Variants in SDK1 observed in about 807,000 individuals in gnomAD.
SDK1 encodes sidekick cell adhesion molecule 1, also known as protein sidekick-1.
SDK1 carries 157 observed loss-of-function variants against 245.5 expected under a neutral mutation model. That is an observed-to-expected ratio of 0.64 (90% confidence interval 0.56 to 0.73). The LOEUF (loss-of-function observed/expected upper bound fraction) is 0.73, where lower values mean the gene tolerates loss of function less well. Among genes scored for constraint, SDK1 ranks in the 30% least tolerant of loss-of-function variants. The pLI is 0.00. For missense variants in SDK1, 3,583 were observed against 3,002.3 expected, an observed-to-expected ratio of 1.19 and a Z score of -4.52; for synonymous variants, 1,647 against 1,278.5, an observed-to-expected ratio of 1.29 and a Z score of -6.15.
rs575061736 is a variant in SDK1, at chr7:3,393,065, G to T, written c.298+91181G>T. Among the ~76,000 whole-genome samples, 12 of 141,860 alleles carry T rather than the reference G, an allele frequency of 8.5e-5. No homozygotes were observed. In the South Asian group the frequency reaches 2.5e-3, roughly 30 times the overall value. The allele number at this position is 141,860 out of a possible 152,430, so 93.1% of individuals were successfully genotyped here. On this transcript the variant is annotated intron_variant, in intron 1 of 44. Coordinates refer to ENST00000404826, the MANE Select transcript of SDK1 (RefSeq NM_152744.4). Reference sequence around the variant, plus strand: ...AGCTCACTGCAATCTCCGCCTCCTAGGTTCAAGCGATTGTCCTGTCTCAGT... The same window carrying T: ...AGCTCACTGCAATCTCCGCCTCCTATGTTCAAGCGATTGTCCTGTCTCAGT...
At chr7:3,775,512 C>G (rs1780526757) in intron 4 of SDK1, among the ~76,000 whole-genome samples, 1 of 151,654 alleles carries the variant, frequency 6.6e-6, no homozygotes, top group Non-Finnish European at 1.5e-5. Flanking sequence ...ACTGGTCATT[C>G]ACACTGATGT....
intron 1 of SDK1, among the ~76,000 whole-genome samples, chr7:3,359,434 A>C (rs763525227): frequency 1.2e-4 from 19 of 152,230 alleles, no homozygotes; most frequent in Non-Finnish European, 2.6e-4. Context: ...ATCTTAGGGA[A>C]GGTGGCAAGT....
intron 4 of SDK1, among the ~76,000 whole-genome samples, chr7:3,686,174 C>G (rs1319962725): frequency 2.0e-5 from 3 of 152,164 alleles, no homozygotes; most frequent in Non-Finnish European, 4.4e-5. Context: ...CTCCTGGGTT[C>G]AAGTGATTCT....
At chr7:3,969,958 G>A (rs1353701198) in intron 11 of SDK1, among the ~76,000 whole-genome samples, 2 of 152,186 alleles carry the variant, frequency 1.3e-5, no homozygotes, top group African/African-American at 4.8e-5. Context: ...TATATTAGGA[G>A]TGAACTGAAA....
intron 1 of SDK1, among the ~76,000 whole-genome samples, chr7:3,303,328 G>T (rs1415812701): frequency 1.3e-5 from 2 of 152,078 alleles, no homozygotes; most frequent in African/African-American, 4.8e-5. Context: ...TGTTTATTAA[G>T]TTTTCTTTTT....
intron 22 of SDK1, among the ~76,000 whole-genome samples, chr7:4,083,948 G>A (rs73302788): frequency 0.064 from 9,787 of 151,974 alleles, 965 homozygotes; most frequent in African/African-American, 0.21. Flanking sequence ...GTGGCAGAGC[G>A]TAGCAGCCTG....
At chr7:4,202,139 C>T (rs1250559902) in intron 35 of SDK1, among the ~76,000 whole-genome samples, 1 of 152,204 alleles carries the variant, frequency 6.6e-6, no homozygotes, top group East Asian at 1.9e-4. Flanking sequence ...TGGGCCCCGA[C>T]CCTGTCCCCA....
chr7:4,265,243 G>T lies in SDK1; in HGVS notation c.6501G>T (p.Pro2167=). 6.2e-7 allele frequency: 1 copy of T among 1,606,300 alleles called. No homozygotes were observed. ...KRRAQGRAPA[P]HRYEAVAGSE... ...GGGCCCAGGGCCGCGCACCTGCGCCGCACAGGTACGAGGCGGTGGCGGGCT... is the reference window on the plus strand; with the variant it reads ...GGGCCCAGGGCCGCGCACCTGCGCCTCACAGGTACGAGGCGGTGGCGGGCT... The change falls in exon 45 of 45, where the codon CCG becomes CCT. Residue 2167 remains proline, a synonymous_variant. Coordinates refer to ENST00000404826, the MANE Select transcript of SDK1 (RefSeq NM_152744.4).
intron 35 of SDK1, among the ~76,000 whole-genome samples, chr7:4,198,603 G>C (rs984207308): frequency 2.0e-5 from 3 of 152,144 alleles, no homozygotes; most frequent in African/African-American, 7.2e-5. Context: ...ATAGAAGGTG[G>C]AGTTGAATAG....
chr7:3,741,146 G>A (rs1403147926), intron 4 of SDK1, among the ~76,000 whole-genome samples: 1 of 152,214 alleles, frequency 6.6e-6, no homozygotes, highest in African/African-American at 2.4e-5. Context: ...CCAAGTGGAT[G>A]TGCTGAGCAC....
At chr7:4,203,715 C>G (rs1349579013) in intron 35 of SDK1, among the ~76,000 whole-genome samples, 1 of 152,176 alleles carries the variant, frequency 6.6e-6, no homozygotes, top group Non-Finnish European at 1.5e-5. Context: ...GTCAGGTTCT[C>G]CTGTCAGGGT....
intron 5 of SDK1, among the ~76,000 whole-genome samples, chr7:3,880,059 C>T (rs1029005946): frequency 4.6e-5 from 7 of 152,070 alleles, no homozygotes; most frequent in East Asian, 1.9e-4. Flanking sequence ...AAAATAATGC[C>T]GCCTTAATCC....
At chr7:4,137,680 G>A (rs993806043) in intron 28 of SDK1, among the ~76,000 whole-genome samples, 6 of 152,172 alleles carry the variant, frequency 3.9e-5, no homozygotes, top group Admixed American at 3.3e-4. Flanking sequence ...CTTAAAAACA[G>A]GGCTCCTCGT....
intron 1 of SDK1, among the ~76,000 whole-genome samples, chr7:3,462,853 C>T (rs949260940): frequency 1.3e-5 from 2 of 152,178 alleles, no homozygotes; most frequent in Non-Finnish European, 2.9e-5. Flanking sequence ...GGACTCATGA[C>T]ATCGTGCTTT....
intron 1 of SDK1, among the ~76,000 whole-genome samples, chr7:3,449,931 C>T (rs1780460438): frequency 1.3e-5 from 2 of 152,088 alleles, no homozygotes; most frequent in African/African-American, 4.8e-5. Flanking sequence ...TCCAGGATGC[C>T]ATGAAAACGT....
intron 5 of SDK1, among the ~76,000 whole-genome samples, chr7:3,886,531 T>C (rs1781342994): frequency 6.6e-6 from 1 of 152,244 alleles, no homozygotes; most frequent in South Asian, 2.1e-4. Flanking sequence ...ATACAAATAT[T>C]TAACTTTCAG....
At chr7:4,163,489 G>A (rs1781300443) in intron 32 of SDK1, among the ~76,000 whole-genome samples, 1 of 152,164 alleles carries the variant, frequency 6.6e-6, no homozygotes, top group African/African-American at 2.4e-5. Flanking sequence ...GCGGGAAATG[G>A]AAGGGATGCT....
intron 4 of SDK1, among the ~76,000 whole-genome samples, chr7:3,647,919 T>G (rs1387667378): frequency 6.6e-6 from 1 of 152,126 alleles, no homozygotes. Context: ...ACGCTGTTGA[T>G]GAGGCAGAAA....
intron 14 of SDK1, among the ~76,000 whole-genome samples, chr7:4,002,032 C>T (rs368039670): frequency 3.3e-4 from 50 of 152,348 alleles, no homozygotes; most frequent in African/African-American, 1.1e-3. Context: ...AATGTATTTA[C>T]CAGCTTAAGC....
Sources: allele counts gnomAD v4.1 joint callset (sites outside exome capture counted in the v4.1 genomes callset), GRCh38; gene constraint gnomAD v4.1.1; transcripts MANE v1.5; gene names NCBI Gene and HGNC (gene_info 2026-07-23, HGNC 2026-07-21).